Variants in NRXN1 observed in about 807,000 individuals in gnomAD.
NRXN1 encodes the protein neurexin-1.
Under a neutral mutation model 150.9 loss-of-function variants are expected in NRXN1, and 39 were observed. The ratio of observed to expected loss-of-function variants is 0.26; its 90% CI spans 0.20 to 0.34. The LOEUF (loss-of-function observed/expected upper bound fraction) is 0.34. Ranked by LOEUF, NRXN1 falls within the 10% of genes least tolerant of loss-of-function variation. The probability of loss-of-function intolerance (pLI) is 1.00; values close to 1 mark genes in which losing one functional copy is unlikely to be tolerated. For missense variants in NRXN1, 1,815 were observed against 1,949.9 expected (o/e 0.93, Z 1.30); for synonymous variants, 924 against 757.0 (o/e 1.22, Z -3.62).
chr2:50,568,108 C>A (rs375731206), intron 8 of NRXN1, among the ~76,000 whole-genome samples: 39 of 152,090 alleles, frequency 2.6e-4, no homozygotes, highest in African/African-American at 8.7e-4. Flanking sequence ...TAGAAACAAA[C>A]CAAGCCTCTC....
Position 50,135,315 on chromosome 2 carries a change from T to G in NRXN1, c.3547-43821A>C, listed in dbSNP as rs141524186. Among the ~76,000 whole-genome samples, 55 of 152,272 alleles carry G rather than the reference T, an allele frequency of 3.6e-4. No homozygotes were observed. In the South Asian group the frequency reaches 0.011, roughly 31 times the overall value. On this transcript the variant is annotated intron_variant, in intron 18 of 22. Transcript: ENST00000401669. Reference sequence around the variant, plus strand: ...GCCACAGTAAAAAGGTGGAGGAGAATAGACGAAAGGTTTTAGGGGGAACCC... The same window carrying G: ...GCCACAGTAAAAAGGTGGAGGAGAAGAGACGAAAGGTTTTAGGGGGAACCC...
intron 18 of NRXN1, among the ~76,000 whole-genome samples, chr2:50,104,946 C>A (rs1701436253): frequency 6.6e-6 from 1 of 152,038 alleles, no homozygotes; most frequent in Non-Finnish European, 1.5e-5. Context: ...CACAATAACT[C>A]ATTTTGCCAG....
At chr2:50,401,038 C>A (rs1334015249) in intron 17 of NRXN1, among the ~76,000 whole-genome samples, 4 of 152,048 alleles carry the variant, frequency 2.6e-5, no homozygotes. Context: ...TGGACCTTTT[C>A]TGATACTCAG....
At chr2:50,063,571 C>CACACAT (rs1694904884) in intron 19 of NRXN1, among the ~76,000 whole-genome samples, 2 of 151,758 alleles carry the variant, frequency 1.3e-5, no homozygotes, top group South Asian at 4.2e-4. Context: ...CACACACACA[C>CACACAT]ACACACACAC....
In NRXN1 at chr2:50,352,776, TA is replaced by T. The variant is rs2078513491; in HGVS notation, c.3364+112665del. 8.3e-5 allele frequency among the ~76,000 whole-genome samples: 7 copies of T among 84,028 alleles called. No individual in the cohort carries two copies. The Admixed American group carries it at 1.1e-3, about 13-fold the overall frequency. The allele number at this position is 84,028 out of a possible 152,430, so 55.1% of individuals were successfully genotyped here. A position where few individuals can be genotyped will look rare whatever the true frequency, so the allele number is the denominator to read the frequency against. ...TTGATAATAATAATAATAATAATAA[TA>T]TTATAATAATAATAATAATAATAAT... is the stretch of plus-strand genomic sequence containing the variant. On this transcript the variant is annotated intron_variant, in intron 17 of 22. Transcript: ENST00000401669.
intron 17 of NRXN1, among the ~76,000 whole-genome samples, chr2:50,306,564 T>C (rs1575017266): frequency 6.6e-6 from 1 of 152,196 alleles, no homozygotes; most frequent in Admixed American, 6.5e-5. Context: ...ACTTTGCAAG[T>C]AGGATTTGTT....
chr2:49,923,357 A>G (rs181555493), intron 22 of NRXN1, among the ~76,000 whole-genome samples: 45 of 152,250 alleles, frequency 3.0e-4, no homozygotes, highest in Middle Eastern at 3.4e-3. Context: ...CTGAATCTCT[A>G]TCCTCTCGCT....
At chr2:50,917,049 A>T (rs1172197788) in intron 5 of NRXN1, 1 of 151,664 alleles carries the variant, frequency 6.6e-6, no homozygotes, top group East Asian at 1.9e-4. Context: ...AATGTCTGAT[A>T]TTATAAGGTG....
intron 2 of NRXN1, among the ~76,000 whole-genome samples, chr2:50,949,295 G>A (rs1690905496): frequency 6.6e-6 from 1 of 151,958 alleles, no homozygotes; most frequent in Admixed American, 6.6e-5. Context: ...TAAACAAAAA[G>A]GATGAAAGTG....
At chr2:50,746,844 C>T (rs1464524353) in intron 5 of NRXN1, among the ~76,000 whole-genome samples, 2 of 152,014 alleles carry the variant, frequency 1.3e-5, no homozygotes, top group South Asian at 4.2e-4. Context: ...TGAGAAGGAC[C>T]GTTTCAAGAG....
chr2:50,277,197 G>C (rs913347048), intron 17 of NRXN1, among the ~76,000 whole-genome samples: 4 of 152,058 alleles, frequency 2.6e-5, no homozygotes, highest in African/African-American at 9.7e-5. Context: ...AAATAACTCA[G>C]GAGCCACAAA....
At chr2:50,669,358 T>C (rs1350947907) in intron 5 of NRXN1, among the ~76,000 whole-genome samples, 7 of 151,964 alleles carry the variant, frequency 4.6e-5, no homozygotes, top group African/African-American at 1.7e-4. Flanking sequence ...TGGAGTAGAA[T>C]ATAATTTTTC....
At chr2:50,551,011 G>GGAGGAAGAGGAAGAGGAAGAGGAA (rs1172928653) in intron 9 of NRXN1, among the ~76,000 whole-genome samples, 2 of 119,128 alleles carry the variant, frequency 1.7e-5, no homozygotes, top group African/African-American at 3.1e-5. Context: ...AAGAAGAGGA[G>GGAGGAAGAGGAAGAGGAAGAGGAA]GAGGAAGAGG....
chr2:50,538,115 G>T, intron 10 of NRXN1, 138 bp downstream of exon 10: 2 of 901,788 alleles, frequency 2.2e-6, no homozygotes, highest in Non-Finnish European at 3.2e-6. Context: ...TCCATGTCAG[G>T]TATGGCTGCT....
At chr2:50,962,634 T>G (rs1296724782) in intron 2 of NRXN1, among the ~76,000 whole-genome samples, 1 of 151,698 alleles carries the variant, frequency 6.6e-6, no homozygotes, top group Non-Finnish European at 1.5e-5. Flanking sequence ...AGCTTTCTTA[T>G]GTTGATGGTG....
At chr2:50,010,377 T>G (rs765693812) in intron 21 of NRXN1, among the ~76,000 whole-genome samples, 3 of 152,172 alleles carry the variant, frequency 2.0e-5, no homozygotes, top group Non-Finnish European at 2.9e-5. Flanking sequence ...ACAGGCTTCC[T>G]TGGAGCCTGA....
chr2:50,643,826 A>T lies in NRXN1; in HGVS notation c.833-20211T>A, dbSNP rs889765274. ...TAGTACCTTTTGGTATCATGCTGGT[A>T]ACTTCCCTAAACTGTTACTTTTCTC... On this transcript the variant is annotated intron_variant, in intron 5 of 22. Transcript: ENST00000401669. Among the ~76,000 whole-genome samples, 179 of 151,772 alleles carry T rather than the reference A, an allele frequency of 1.2e-3. 1 individual carries two copies. The highest frequency in any genetic ancestry group is 6.0e-4 in the Non-Finnish European group (41 of 67,848).
chr2:50,159,336 T>A (rs1006510247), intron 18 of NRXN1, among the ~76,000 whole-genome samples: 57 of 152,308 alleles, frequency 3.7e-4, no homozygotes, highest in African/African-American at 1.3e-3. Flanking sequence ...AATGGAATTT[T>A]ACAAAGATAA....
At chr2:50,907,876 T>C (rs1481307370) in intron 5 of NRXN1, among the ~76,000 whole-genome samples, 1 of 152,132 alleles carries the variant, frequency 6.6e-6, no homozygotes, top group Non-Finnish European at 1.5e-5. Context: ...ACATTCACGT[T>C]GTTTAAGCTA....
Sources: gnomAD v4.1 joint callset for allele counts (sites outside exome capture counted in the v4.1 genomes callset) on GRCh38, gnomAD v4.1.1 for gene constraint, MANE v1.5 for transcripts, NCBI Gene and HGNC (gene_info 2026-07-23, HGNC 2026-07-21) for gene names.